FAM107B: variants seen among roughly 807,000 people sequenced by gnomAD.
FAM107B encodes family with sequence similarity 107 member B.
A neutral mutation model predicts 31.5 loss-of-function variants in FAM107B; 21 were observed. The ratio of observed to expected loss-of-function variants is 0.67; its 90% CI spans 0.47 to 0.96. FAM107B has a LOEUF of 0.96. Among genes scored for constraint, FAM107B ranks in the 40% least tolerant of loss-of-function variants. The pLI, the probability that FAM107B is intolerant of heterozygous loss-of-function variation, is 0.00. For synonymous variants in FAM107B, 157 were observed against 141.5 expected (o/e 1.11, Z -0.78); for missense variants, 452 against 377.1 (o/e 1.20, Z -1.64).
chr10:14,742,228 C>T lies in FAM107B; in HGVS notation c.411+32025G>A, dbSNP rs532094760. ...ACCTCCTGGGCTCAAGCAGTCCTCCCACCTTGGCCTCCTGAGTAGTTGGGA... is the reference window on the plus strand; with the variant it reads ...ACCTCCTGGGCTCAAGCAGTCCTCCTACCTTGGCCTCCTGAGTAGTTGGGA... On this transcript the variant is annotated intron_variant, in intron 1 of 4. Coordinates refer to ENST00000181796, the MANE Select transcript of FAM107B (RefSeq NM_031453.4). Among the ~76,000 whole-genome samples, 19 of 152,178 alleles carry T rather than the reference C, an allele frequency of 1.2e-4. No individual in the cohort carries two copies. The East Asian group carries it at 3.5e-3, about 28-fold the overall frequency.
intron 2 of FAM107B, among the ~76,000 whole-genome samples, chr10:14,600,185 A>C (rs1852340900): frequency 6.6e-6 from 1 of 152,232 alleles, no homozygotes; most frequent in African/African-American, 2.4e-5. Context: ...TGCATGATAC[A>C]AGTCCTCACT....
intron 1 of FAM107B, among the ~76,000 whole-genome samples, chr10:14,683,004 C>G (rs758652687): frequency 6.6e-6 from 1 of 152,198 alleles, no homozygotes; most frequent in Non-Finnish European, 1.5e-5. Flanking sequence ...AAAGCATTGT[C>G]AGAGAAACTG....
At chr10:14,727,434 G>T (rs768076762) in intron 1 of FAM107B, among the ~76,000 whole-genome samples, 21 of 152,200 alleles carry the variant, frequency 1.4e-4, no homozygotes, top group South Asian at 6.2e-4. Context: ...ACTTGCAACT[G>T]TCAGCAGCTG....
chr10:14,656,270 G>A (rs115362891), intron 2 of FAM107B, among the ~76,000 whole-genome samples: 3,218 of 152,262 alleles, frequency 0.021, 116 homozygotes, highest in African/African-American at 0.073. Context: ...GGGCATGGGG[G>A]CGATAAAGAG....
In FAM107B at chr10:14,766,745, G is replaced by T. The variant is rs74429908; in HGVS notation, c.411+7508C>A. ...AAAGTAGCCCCTCTTCACCAAGACT[G>T]ATTCAGGAAGATGTAGAAAATCTGA... is the stretch of plus-strand genomic sequence containing the variant. On this transcript the variant is annotated intron_variant, in intron 1 of 4. Transcript: ENST00000181796. 3.6e-3 allele frequency among the ~76,000 whole-genome samples: 548 copies of T among 151,656 alleles called. 5 individuals carry two copies. Among genetic ancestry groups the T allele is most frequent in the African/African-American group, 0.013 (521 of 41,384 alleles).
At chr10:14,730,433 G>T (rs1357334654) in intron 1 of FAM107B, among the ~76,000 whole-genome samples, 2 of 152,210 alleles carry the variant, frequency 1.3e-5, no homozygotes, top group Admixed American at 1.3e-4. Context: ...GCAGATAAAG[G>T]TGTCAGGGCA....
At chr10:14,729,846 T>C (rs1349872431) in intron 1 of FAM107B, among the ~76,000 whole-genome samples, 1 of 152,108 alleles carries the variant, frequency 6.6e-6, no homozygotes, top group East Asian at 1.9e-4. Context: ...CACCATGAAA[T>C]ACTACGCAGC....
intron 2 of FAM107B, among the ~76,000 whole-genome samples, chr10:14,599,447 C>G (rs924101546): frequency 6.6e-6 from 1 of 152,208 alleles, no homozygotes; most frequent in Non-Finnish European, 1.5e-5. Context: ...GACTTACACA[C>G]GCCCCCAACA....
In FAM107B at chr10:14,519,316, A is replaced by G. The variant is rs1845413952; in HGVS notation, c.*1874T>C. The G allele has an allele frequency of 1.3e-5, 2 of 152,172 alleles. No homozygotes were observed. Among genetic ancestry groups the G allele is most frequent in the African/African-American group, 4.8e-5 (2 of 41,434 alleles). 9.4% of individuals were successfully genotyped at this position (152,172 alleles called of 1,614,324 possible). A position where few individuals can be genotyped will look rare whatever the true frequency, so the allele number is the denominator to read the frequency against. On this transcript the variant is annotated 3_prime_UTR_variant, in exon 5 of 5. Transcript: ENST00000181796. ...ATCTGACATCTAGTTAGATAAAAAG[A>G]TATGAGCCAGTCCCGAATCTTCATT...
chr10:14,760,465 G>A (rs1833021085), intron 1 of FAM107B, among the ~76,000 whole-genome samples: 1 of 152,182 alleles, frequency 6.6e-6, no homozygotes, highest in South Asian at 2.1e-4. Context: ...ATCAGGAACA[G>A]AAGAAAACAA....
At chr10:14,765,864 T>C (rs1459190320) in intron 1 of FAM107B, among the ~76,000 whole-genome samples, 1 of 152,160 alleles carries the variant, frequency 6.6e-6, no homozygotes, top group Non-Finnish European at 1.5e-5. Context: ...AAATGGTTTG[T>C]ACCAGAAAAT....
At chr10:14,646,195 T>G (rs1399225833) in intron 2 of FAM107B, among the ~76,000 whole-genome samples, 1 of 152,230 alleles carries the variant, frequency 6.6e-6, no homozygotes, top group Non-Finnish European at 1.5e-5. Flanking sequence ...AATGTTTTTT[T>G]TATTTCAATA....
chr10:14,693,123 T>C (rs1855182361), intron 1 of FAM107B, among the ~76,000 whole-genome samples: 1 of 152,238 alleles, frequency 6.6e-6, no homozygotes, highest in Non-Finnish European at 1.5e-5. Flanking sequence ...AGTGGAATTC[T>C]AACTTTCAAT....
intron 2 of FAM107B, among the ~76,000 whole-genome samples, chr10:14,645,582 G>A (rs1331359614): frequency 6.6e-6 from 1 of 152,204 alleles, no homozygotes; most frequent in Non-Finnish European, 1.5e-5. Context: ...TCCTCAGCTT[G>A]TAGGGGGATG....
At chr10:14,689,498 C>A (rs1855075462) in intron 1 of FAM107B, among the ~76,000 whole-genome samples, 1 of 151,826 alleles carries the variant, frequency 6.6e-6, no homozygotes, top group South Asian at 2.1e-4. Flanking sequence ...ACTCAGGAGT[C>A]CTGAGGAAAG....
chr10:14,746,619 A>AC (rs1241591542), intron 1 of FAM107B, among the ~76,000 whole-genome samples: 5 of 152,026 alleles, frequency 3.3e-5, no homozygotes, highest in Non-Finnish European at 7.4e-5. Flanking sequence ...TTGAATATTG[A>AC]CCCCCAATGT....
At chr10:14,620,301 G>A (rs1167811611) in intron 2 of FAM107B, among the ~76,000 whole-genome samples, 2 of 152,138 alleles carry the variant, frequency 1.3e-5, no homozygotes, top group Admixed American at 6.5e-5. Flanking sequence ...ACAGGCATGA[G>A]CCACCGCGCT....
chr10:14,598,974 C>T (rs184281915), intron 2 of FAM107B, among the ~76,000 whole-genome samples: 2 of 152,326 alleles, frequency 1.3e-5, no homozygotes, highest in Admixed American at 1.3e-4. Flanking sequence ...CAGCACCTTG[C>T]TCCGTTCAGC....
chr10:14,567,892 G>A (rs1350598235), intron 2 of FAM107B, among the ~76,000 whole-genome samples: 8 of 152,068 alleles, frequency 5.3e-5, no homozygotes, highest in Non-Finnish European at 7.4e-5. Flanking sequence ...AAAGTCCTGC[G>A]TCCTGTGAAA....
Sources: allele counts gnomAD v4.1 joint callset (sites outside exome capture counted in the v4.1 genomes callset), GRCh38; gene constraint gnomAD v4.1.1; transcripts MANE v1.5; gene names NCBI Gene and HGNC (gene_info 2026-07-23, HGNC 2026-07-21).